The following HSD11B1 variants were observed in gnomAD, a reference collection of about 807,000 sequenced individuals.
HSD11B1 encodes hydroxysteroid 11-beta dehydrogenase 1.
A neutral mutation model predicts 22.1 loss-of-function variants in HSD11B1; 15 were observed. The observed-to-expected ratio is 0.68, with a 90% CI of 0.45 to 1.04. HSD11B1 has a LOEUF of 1.04. Among genes scored for constraint, HSD11B1 ranks in the 50% least tolerant of loss-of-function variants. HSD11B1 has a pLI of 0.00. For missense variants in HSD11B1, 281 were observed against 357.6 expected, an observed-to-expected ratio of 0.79 and a Z score of 1.73; for synonymous variants, 122 against 125.2, an observed-to-expected ratio of 0.97 and a Z score of 0.17.
chr1:209,726,738 A>G (rs1469212812), intron 4 of HSD11B1, among the ~76,000 whole-genome samples: 1 of 152,186 alleles, frequency 6.6e-6, no homozygotes, highest in Non-Finnish European at 1.5e-5. Context: ...TTCTCCTACA[A>G]AACCATTTAG....
chr1:209,731,913 G>A (rs2077038120), intron 4 of HSD11B1, among the ~76,000 whole-genome samples: 1 of 152,180 alleles, frequency 6.6e-6, no homozygotes, highest in Admixed American at 6.5e-5. Context: ...CATCATGTTA[G>A]TCAGGCTGGT....
chr1:209,687,153 T>A (rs530653077), intron 1 of HSD11B1, among the ~76,000 whole-genome samples: 1 of 152,382 alleles, frequency 6.6e-6, no homozygotes, highest in East Asian at 1.9e-4. Context: ...AATAGCTGGA[T>A]GCATGCTTCA....
At chr1:209,701,683 G>C (rs1558188652), upstream of HSD11B1, among the ~76,000 whole-genome samples, 1 of 152,326 alleles carries the variant, frequency 6.6e-6, no homozygotes, top group East Asian at 1.9e-4. Flanking sequence ...AAATAGTCAT[G>C]AAAAGCACTA....
intron 4 of HSD11B1, among the ~76,000 whole-genome samples, chr1:209,729,696 A>C (rs544634970): frequency 6.6e-6 from 1 of 152,310 alleles, no homozygotes; most frequent in South Asian, 2.1e-4. Flanking sequence ...ACCACAGGCC[A>C]ATATCCCTGA....
At chr1:209,730,057 A>G (rs1558200304) in intron 4 of HSD11B1, among the ~76,000 whole-genome samples, 1 of 152,188 alleles carries the variant, frequency 6.6e-6, no homozygotes, top group Non-Finnish European at 1.5e-5. Flanking sequence ...CCTTTCCACC[A>G]AGATTTGGAC....
upstream of HSD11B1, among the ~76,000 whole-genome samples, chr1:209,703,492 C>T (rs1191087930): frequency 2.6e-5 from 4 of 152,124 alleles, no homozygotes; most frequent in Admixed American, 6.5e-5. Context: ...TCATAGACCT[C>T]GAGCTCTGTC....
intron 1 of HSD11B1, among the ~76,000 whole-genome samples, chr1:209,699,159 G>GCAATTTCATT (rs2076811215): frequency 6.6e-6 from 1 of 151,842 alleles, no homozygotes; most frequent in African/African-American, 2.4e-5. Context: ...TGCATGAAAT[G>GCAATTTCATT]ATAGTTCTTT....
intron 4 of HSD11B1, among the ~76,000 whole-genome samples, chr1:209,709,516 C>T (rs1476030024): frequency 1.3e-5 from 2 of 152,182 alleles, no homozygotes; most frequent in Non-Finnish European, 2.9e-5. Flanking sequence ...TTTACAATGG[C>T]TTAAGCAAAT....
chr1:209,730,260 A>C (rs1484723274), intron 4 of HSD11B1, among the ~76,000 whole-genome samples: 1 of 152,248 alleles, frequency 6.6e-6, no homozygotes, highest in Admixed American at 6.5e-5. Flanking sequence ...TGGTGGACTT[A>C]CATGACGTCT....
chr1:209,716,322 C>A (rs1027145535), intron 4 of HSD11B1, among the ~76,000 whole-genome samples: 1 of 147,030 alleles, frequency 6.8e-6, no homozygotes, highest in African/African-American at 2.5e-5. Flanking sequence ...AAACCATTTA[C>A]AATAGCTACA....
intron 4 of HSD11B1, among the ~76,000 whole-genome samples, chr1:209,715,535 G>T (rs2076924702): frequency 6.6e-6 from 1 of 152,174 alleles, no homozygotes; most frequent in African/African-American, 2.4e-5. Flanking sequence ...GTACAGAACT[G>T]CTCAAAGGAT....
intron 4 of HSD11B1, among the ~76,000 whole-genome samples, chr1:209,711,663 T>C (rs2076896293): frequency 6.6e-6 from 1 of 151,992 alleles, no homozygotes; most frequent in Non-Finnish European, 1.5e-5. Context: ...CCTATAAGAA[T>C]GCCAAGAAGG....
chr1:209,710,608 T>C (rs948945035), intron 4 of HSD11B1, among the ~76,000 whole-genome samples: 2 of 152,238 alleles, frequency 1.3e-5, no homozygotes, highest in Non-Finnish European at 2.9e-5. Flanking sequence ...TCATAACTAC[T>C]AATAACACAA....
In HSD11B1 at chr1:209,734,892, G is replaced by A. The variant is rs547106440; in HGVS notation, c.*371G>A. 9.5e-4 allele frequency: 149 copies of A among 157,474 alleles called. No homozygotes were observed. The highest frequency in any genetic ancestry group is 6.7e-3 in the Middle Eastern group (2 of 298). 9.8% of individuals were successfully genotyped at this position (157,474 alleles called of 1,614,324 possible). On this transcript the variant is annotated 3_prime_UTR_variant, in exon 6 of 6. Coordinates refer to ENST00000367027, the MANE Select transcript of HSD11B1 (RefSeq NM_005525.4). ...GGTAGCTATAACTTGAGCTTATTCA[G>A]GATGGTTTCTTTAAAACCATAAACT...
chr1:209,709,239 A>G (rs1179734175), intron 4 of HSD11B1, among the ~76,000 whole-genome samples: 1 of 152,150 alleles, frequency 6.6e-6, no homozygotes, highest in Non-Finnish European at 1.5e-5. Context: ...TCCACAATGC[A>G]TTTCTGGGTA....
chr1:209,723,214 C>T (rs957476270), intron 4 of HSD11B1, among the ~76,000 whole-genome samples: 3 of 152,212 alleles, frequency 2.0e-5, no homozygotes, highest in African/African-American at 7.2e-5. Flanking sequence ...CCATCTTTCT[C>T]TTCTGCTATC....
intron 4 of HSD11B1, among the ~76,000 whole-genome samples, chr1:209,729,466 C>A (rs974561268): frequency 6.6e-6 from 1 of 152,104 alleles, no homozygotes; most frequent in African/African-American, 2.4e-5. Context: ...GCTCCATGGT[C>A]ACCCAGGTTC....
upstream of HSD11B1, among the ~76,000 whole-genome samples, chr1:209,703,114 T>C (rs987634940): frequency 2.6e-5 from 4 of 152,214 alleles, no homozygotes; most frequent in East Asian, 1.9e-4. Context: ...ATCTTACTCA[T>C]TGTTATTTTT....
rs1031315524 is a variant in HSD11B1 at position 209,689,014 on chromosome 1, T to A, written c.-49+2729T>A. Among the ~76,000 whole-genome samples the A allele has an allele frequency of 5.9e-5, 9 of 152,226 alleles. 1 individual carries two copies. Among genetic ancestry groups the A allele is most frequent in the Admixed American group, 5.9e-4 (9 of 15,292 alleles). On this transcript the variant is annotated intron_variant, in intron 1 of 6. Coordinates refer to the HSD11B1 transcript ENST00000261465. ...TAAACATAGCAGAAGACCCTTGGCC[T>A]CTACAGCTACTCCAGCTGGAGAAGG...
Sources: gnomAD v4.1 joint callset for allele counts (sites outside exome capture counted in the v4.1 genomes callset) on GRCh38, gnomAD v4.1.1 for gene constraint, MANE v1.5 for transcripts, NCBI Gene and HGNC (gene_info 2026-07-23, HGNC 2026-07-21) for gene names.